Variants in IQSEC2 observed in about 807,000 individuals in gnomAD.
IQSEC2 encodes the protein IQ motif and Sec7 domain ArfGEF 2.
Under a neutral mutation model 74.6 loss-of-function variants are expected in IQSEC2, and 6 were observed. The observed-to-expected ratio is 0.08, with a 90% CI of 0.04 to 0.16. The LOEUF (loss-of-function observed/expected upper bound fraction) is 0.16. Among genes scored for constraint, IQSEC2 ranks in the 10% least tolerant of loss-of-function variants. IQSEC2 has a pLI of 1.00. For synonymous variants in IQSEC2, 494 were observed against 544.5 expected (o/e 0.91, Z 1.29); for missense variants, 734 against 1,306.2 (o/e 0.56, Z 6.75).
At chrX:53,278,213 T>C (rs1214290092) in intron 2 of IQSEC2, among the ~76,000 whole-genome samples, 1 of 108,915 alleles carries the variant, frequency 9.2e-6, no homozygotes, top group Non-Finnish European at 1.9e-5. Flanking sequence ...GGTTTCACTG[T>C]GTTAGCCAGG....
At chrX:53,274,605 G>A (rs1299545227) in intron 2 of IQSEC2, among the ~76,000 whole-genome samples, 3 of 107,098 alleles carry the variant, frequency 2.8e-5, no homozygotes. Context: ...GGGACTACAC[G>A]CGCCCGCCAC....
intron 2 of IQSEC2, among the ~76,000 whole-genome samples, chrX:53,261,615 T>G (rs1427704906): frequency 9.6e-6 from 1 of 104,370 alleles, no homozygotes; most frequent in Non-Finnish European, 2.0e-5. Flanking sequence ...CACAAGAAAA[T>G]AGACACAAAC....
intron 1 of IQSEC2, among the ~76,000 whole-genome samples, chrX:53,310,966 C>T (rs1389276003): frequency 6.7e-5 from 7 of 105,095 alleles, no homozygotes; most frequent in African/African-American, 2.4e-4. Flanking sequence ...ACTAAAAATA[C>T]AAAATTAGCT....
In IQSEC2 at chrX:53,234,492, T is replaced by A; in HGVS notation, c.4194A>T (p.Pro1398=). ...CAGGGCCCCCAGCCGCGCCTGCTGCTGGCATCATCTGTGGGTGGTGGCTGA... is the reference window on the plus strand; with the variant it reads ...CAGGGCCCCCAGCCGCGCCTGCTGCAGGCATCATCTGTGGGTGGTGGCTGA... The part of the protein sequence containing the change: ...FIFSHHPQMM[P]AAGAAGGPGS... Residue 1398 remains proline, a synonymous_variant, in exon 15 of 15, where the codon CCA becomes CCT. Transcript: ENST00000642864. 9.2e-7 allele frequency: 1 copy of A among 1,089,139 alleles called. No homozygotes were observed. Among genetic ancestry groups the A allele is most frequent in the Non-Finnish European group, 1.2e-6 (1 of 835,038 alleles). 89.8% of individuals were successfully genotyped at this position (1,089,139 alleles called of 1,213,427 possible).
chrX:53,256,134 G>A (rs2074464066), intron 2 of IQSEC2, 73 bp from the exon 3 acceptor site: 1 of 993,282 alleles, frequency 1.0e-6, no homozygotes, highest in Admixed American at 3.5e-5. Flanking sequence ...CTGAGAGTGG[G>A]TGAGCCAGAT....
chrX:53,282,074 T>G (rs1182760950), intron 2 of IQSEC2, among the ~76,000 whole-genome samples: 3 of 112,492 alleles, frequency 2.7e-5, no homozygotes, highest in Non-Finnish European at 5.6e-5. Context: ...CTCTGCATAT[T>G]AAGTGCAATT....
intron 2 of IQSEC2, among the ~76,000 whole-genome samples, chrX:53,278,948 C>T (rs1002753612): frequency 5.4e-5 from 6 of 112,055 alleles, no homozygotes; most frequent in Non-Finnish European, 9.4e-5. Context: ...GAGGCCAAGG[C>T]GGGCGGATCA....
downstream of IQSEC2, chrX:53,226,340 C>G (rs1190647163): frequency 6.2e-5 from 7 of 112,492 alleles, no homozygotes; most frequent in Non-Finnish European, 3.8e-5. Flanking sequence ...GTTTGAACAC[C>G]TACTGTGCAA....
At chrX:53,279,261 C>G (rs1556870203) in intron 2 of IQSEC2, 1 of 270,339 alleles carries the variant, frequency 3.7e-6, no homozygotes, top group African/African-American at 2.7e-5. Flanking sequence ...CTCAGTCTAT[C>G]CAACTGGCAA....
At chrX:53,240,244 A>G (rs781822276) in intron 10 of IQSEC2, among the ~76,000 whole-genome samples, 21 of 112,238 alleles carry the variant, frequency 1.9e-4, no homozygotes, top group African/African-American at 5.5e-4. Context: ...TGGGGGTGAT[A>G]TTGCCCCCAG....
chrX:53,268,678 C>T (rs1286461998), intron 2 of IQSEC2, among the ~76,000 whole-genome samples: 1 of 111,953 alleles, frequency 8.9e-6, no homozygotes, highest in East Asian at 2.8e-4. Context: ...TGCATCTCTT[C>T]TGCTCAGACA....
At chrX:53,300,731 T>C (rs997349380) in intron 1 of IQSEC2, among the ~76,000 whole-genome samples, 1 of 112,078 alleles carries the variant, frequency 8.9e-6, no homozygotes, top group Non-Finnish European at 1.9e-5. Context: ...CTAAAAGCTG[T>C]AAGTTCCTTT....
intron 2 of IQSEC2, among the ~76,000 whole-genome samples, chrX:53,270,274 C>A (rs1247363150): frequency 9.0e-6 from 1 of 111,365 alleles, no homozygotes; most frequent in Non-Finnish European, 1.9e-5. Context: ...GTGGACTCTA[C>A]CTCCTAAATA....
downstream of IQSEC2, chrX:53,232,753 G>A (rs2074071378): frequency 1.8e-5 from 2 of 112,044 alleles, no homozygotes; most frequent in Admixed American, 1.9e-4. Context: ...TCCAAGCAAA[G>A]CATCTCGTCC....
intron 4 of IQSEC2, among the ~76,000 whole-genome samples, chrX:53,254,304 T>A (rs1556864428): frequency 1.0e-5 from 1 of 96,482 alleles, no homozygotes; most frequent in East Asian, 3.3e-4. Context: ...CACTCCAGCC[T>A]GGGTGTCGAG....
At chrX:53,242,822 G>A (rs781966973) in intron 9 of IQSEC2, among the ~76,000 whole-genome samples, 6 of 111,031 alleles carry the variant, frequency 5.4e-5, no homozygotes, top group Admixed American at 9.5e-5. Context: ...TGCAACCTCC[G>A]CCTCCCGGGT....
At chrX:53,256,927 C>A (rs782639071) in intron 2 of IQSEC2, among the ~76,000 whole-genome samples, 2 of 112,471 alleles carry the variant, frequency 1.8e-5, no homozygotes, top group Middle Eastern at 4.6e-3. Flanking sequence ...TGTTGTTCCA[C>A]CAGAACTGCT....
Position 53,321,221 on chromosome X carries a change from C to T in IQSEC2, c.-98G>A. The T allele has an allele frequency of 2.0e-6, 1 of 502,601 alleles. No homozygotes were observed. The allele number at this position is 502,601 out of a possible 1,213,427, so 41.4% of individuals were successfully genotyped here. Reference sequence around the variant, plus strand: ...GGGCCCAGCCGGGGGAGGGGGCCGGCGGGACGCGAGGGCGCGCACCGGGCT... The same window carrying T: ...GGGCCCAGCCGGGGGAGGGGGCCGGTGGGACGCGAGGGCGCGCACCGGGCT... On this transcript the variant is annotated 5_prime_UTR_variant, in exon 1 of 15. Coordinates refer to ENST00000642864, the MANE Select transcript of IQSEC2 (RefSeq NM_001111125.3).
At chrX:53,235,966 G>C in intron 13 of IQSEC2, 134 bp from the exon 14 acceptor site, 2 of 589,694 alleles carry the variant, frequency 3.4e-6, no homozygotes, top group Non-Finnish European at 2.6e-6. Flanking sequence ...CCATTGAAGA[G>C]GGGGAGGCGG....
Sources: gnomAD v4.1 joint callset for allele counts (sites outside exome capture counted in the v4.1 genomes callset) on GRCh38, gnomAD v4.1.1 for gene constraint, MANE v1.5 for transcripts, NCBI Gene and HGNC (gene_info 2026-07-23, HGNC 2026-07-21) for gene names.